Variants in STOX2 observed in about 807,000 individuals in gnomAD.
STOX2 encodes storkhead box 2.
Under a neutral mutation model 60.9 loss-of-function variants are expected in STOX2, and 28 were observed. That is an observed-to-expected ratio of 0.46 (90% CI 0.34 to 0.63). STOX2 has a LOEUF of 0.63. Ranked by LOEUF, STOX2 falls within the 30% of genes least tolerant of loss-of-function variation. STOX2 has a pLI of 0.01. For missense variants in STOX2, 1,024 were observed against 1,187.7 expected (o/e 0.86, Z 2.03); for synonymous variants, 472 against 463.9 (o/e 1.02, Z -0.22).
intron 1 of STOX2, among the ~76,000 whole-genome samples, chr4:183,870,732 A>G (rs1740669625): frequency 2.0e-5 from 3 of 152,218 alleles, no homozygotes; most frequent in Admixed American, 6.5e-5. Context: ...TCAAAGACAT[A>G]GTTATGAATT....
At chr4:183,993,249 A>G (rs1225552929) in intron 1 of STOX2, among the ~76,000 whole-genome samples, 4 of 152,232 alleles carry the variant, frequency 2.6e-5, no homozygotes, top group Admixed American at 2.6e-4. Context: ...TAATGTGACT[A>G]ACGAAAGGTT....
intron 1 of STOX2, among the ~76,000 whole-genome samples, chr4:183,847,249 G>A (rs753678577): frequency 7.2e-5 from 11 of 152,130 alleles, no homozygotes; most frequent in Non-Finnish European, 1.5e-4. Context: ...CCTACCTTTA[G>A]CATGTATATG....
At chr4:183,879,808 G>C (rs892957812) in intron 1 of STOX2, among the ~76,000 whole-genome samples, 3 of 151,914 alleles carry the variant, frequency 2.0e-5, no homozygotes, top group Non-Finnish European at 4.4e-5. Flanking sequence ...CTAAATACAG[G>C]GAAGAGGGGT....
chr4:183,963,356 A>G (rs1165840078), intron 1 of STOX2, among the ~76,000 whole-genome samples: 1 of 152,236 alleles, frequency 6.6e-6, no homozygotes, highest in Non-Finnish European at 1.5e-5. Flanking sequence ...TTTTTAAATG[A>G]CACAAATTAT....
chr4:183,980,710 T>A (rs1258769479), intron 1 of STOX2, among the ~76,000 whole-genome samples: 1 of 152,190 alleles, frequency 6.6e-6, no homozygotes, highest in Non-Finnish European at 1.5e-5. Context: ...TTTTTTTTTT[T>A]TAGAAGTATG....
intron 1 of STOX2, among the ~76,000 whole-genome samples, chr4:183,834,324 GCCTGTTAGGCAGTTGA>G (rs1288519333): frequency 6.6e-6 from 1 of 152,154 alleles, no homozygotes; most frequent in Non-Finnish European, 1.5e-5. Context: ...GCACCGTGCA[GCCTGTTAGGCAGTTGA>G]TCAACCTGTG....
chr4:183,949,816 G>C (rs1743015328), intron 1 of STOX2, among the ~76,000 whole-genome samples: 1 of 152,096 alleles, frequency 6.6e-6, no homozygotes, highest in South Asian at 2.1e-4. Flanking sequence ...TTTCAGGCTG[G>C]TGGTCTTATC....
chr4:183,808,545 G>A (rs1738962728), intron 1 of STOX2, among the ~76,000 whole-genome samples: 1 of 152,194 alleles, frequency 6.6e-6, no homozygotes, highest in Non-Finnish European at 1.5e-5. Flanking sequence ...TCCAAGGAAA[G>A]TCTTTAATCG....
Position 183,881,761 on chromosome 4 carries a change from G to A in STOX2, c.364+83706G>A, listed in dbSNP as rs145821168. ...TCTCATCCTCACTCAAGCCAATTTC[G>A]TAGCACGAAATAGACTTTTCATCTG... is the stretch of plus-strand genomic sequence containing the variant. On this transcript the variant is annotated intron_variant, in intron 1 of 2. Coordinates refer to the STOX2 transcript ENST00000513034. Among the ~76,000 whole-genome samples the A allele has an allele frequency of 5.4e-3, 816 of 152,224 alleles. 6 individuals are homozygous for A. The highest frequency in any genetic ancestry group is 0.019 in the African/African-American group (780 of 41,528).
At chr4:184,017,007 A>T (rs1339121888) in intron 3 of STOX2, 82 bp from the exon 4 acceptor site, 1 of 1,159,192 alleles carries the variant, frequency 8.6e-7, no homozygotes, top group African/African-American at 1.6e-5. Flanking sequence ...CATTAACGAC[A>T]TCATTTGCTC....
intron 1 of STOX2, among the ~76,000 whole-genome samples, chr4:183,933,322 G>A (rs141453897): frequency 6.6e-6 from 1 of 152,196 alleles, no homozygotes; most frequent in African/African-American, 2.4e-5. Context: ...TCCTAAGCCT[G>A]TCTAGTTCTT....
rs1738814185 is a variant in STOX2 at position 183,803,465 on chromosome 4, A to G, written c.364+5410A>G. Among the ~76,000 whole-genome samples the G allele has an allele frequency of 3.3e-5, 5 of 152,256 alleles. No individual in the cohort carries two copies. In the South Asian group the frequency reaches 1.0e-3, roughly 32 times the overall value. On this transcript the variant is annotated intron_variant, in intron 1 of 2. Coordinates refer to the STOX2 transcript ENST00000513034. ...AATAACTTACTTAAGTCAACTTAAAATTGAATAATATTCCTAGACGAATAG... is the reference window on the plus strand; with the variant it reads ...AATAACTTACTTAAGTCAACTTAAAGTTGAATAATATTCCTAGACGAATAG...
intron 1 of STOX2, among the ~76,000 whole-genome samples, chr4:183,823,336 C>T (rs1463697550): frequency 6.6e-6 from 1 of 152,174 alleles, no homozygotes; most frequent in Non-Finnish European, 1.5e-5. Context: ...GCAGAGGTTG[C>T]AGTGAGCTGA....
At chr4:183,984,546 G>A (rs1732770604) in intron 1 of STOX2, among the ~76,000 whole-genome samples, 1 of 152,098 alleles carries the variant, frequency 6.6e-6, no homozygotes, top group South Asian at 2.1e-4. Flanking sequence ...ACTGACCATA[G>A]GACTTTGCAG....
intron 1 of STOX2, among the ~76,000 whole-genome samples, chr4:183,955,137 T>A (rs1045501776): frequency 3.3e-5 from 5 of 152,238 alleles, no homozygotes; most frequent in Admixed American, 3.3e-4. Flanking sequence ...TTATCTTTTC[T>A]CTTCCTGGTA....
rs1287696717 is a variant in STOX2, at chr4:184,010,156, TG to T, written c.1321del (p.Asp441MetfsTer66). ...LESHFPMTPEWDVSGELAKRR... is the reference protein window; with the variant it reads ...LESHFPMTPEXDVSGELAKRR... ...GTCCCACTTCCCCATGACACCAGAATGGGATGTGTCTGGTGAATTGGCTAAA... is the reference window on the plus strand; with the variant it reads ...GTCCCACTTCCCCATGACACCAGAATGGATGTGTCTGGTGAATTGGCTAAA... On this transcript the variant is annotated frameshift_variant, in exon 3 of 4. Transcript: ENST00000308497. LOFTEE classifies it high-confidence loss of function. The surrounding 1 kb of genome is among the most constrained non-coding windows in gnomAD (Gnocchi z 4.5). 1 of 1,561,928 alleles carries T rather than the reference TG, an allele frequency of 6.4e-7. No individual in the cohort carries two copies. Among genetic ancestry groups the T allele is most frequent in the Admixed American group, 1.9e-5 (1 of 51,660 alleles).
At chr4:183,853,665 G>A (rs1740219684) in intron 1 of STOX2, 1 of 152,154 alleles carries the variant, frequency 6.6e-6, no homozygotes, top group African/African-American at 2.4e-5. Context: ...ATAAAATGTT[G>A]ACAGCAGTTT....
chr4:183,798,343 G>C (rs1052739894), intron 1 of STOX2, among the ~76,000 whole-genome samples: 5 of 150,748 alleles, frequency 3.3e-5, no homozygotes, highest in African/African-American at 7.3e-5. Flanking sequence ...CCAGGTGGGC[G>C]CCGCGGCTCG....
In STOX2 at chr4:184,001,585, TC is replaced by T; in HGVS notation, c.319+112del. On this transcript the variant is annotated intron_variant, in intron 2 of 3. Coordinates refer to ENST00000308497, the MANE Select transcript of STOX2 (RefSeq NM_020225.3). The surrounding 1 kb of genome is among the most constrained non-coding windows in gnomAD (Gnocchi z 4.2). ...TTTAAAGAGAATAGGAAAACATTCT[TC>T]CCCAAAACTGACCCGAAGCTTTCCT... is the stretch of plus-strand genomic sequence containing the variant. 9.2e-7 allele frequency: 1 copy of T among 1,087,946 alleles called. No homozygotes were observed. The highest frequency in any genetic ancestry group is 1.6e-5 in the African/African-American group (1 of 63,904). 67.4% of individuals were successfully genotyped at this position (1,087,946 alleles called of 1,614,324 possible). A position where few individuals can be genotyped will look rare whatever the true frequency, so the allele number is the denominator to read the frequency against.
Sources: gnomAD v4.1 joint callset for allele counts (sites outside exome capture counted in the v4.1 genomes callset) on GRCh38, gnomAD v4.1.1 for gene constraint, Gnocchi (gnomAD v3.1) non-coding constraint, MANE v1.5 for transcripts, NCBI Gene and HGNC (gene_info 2026-07-23, HGNC 2026-07-21) for gene names.